PPARGC1A: variants seen among roughly 807,000 people sequenced by gnomAD.
PPARGC1A encodes the protein PPARG coactivator 1 alpha.
PPARGC1A carries 25 observed loss-of-function variants against 88.7 expected under a neutral mutation model. The ratio of observed to expected loss-of-function variants is 0.28; its 90% CI spans 0.21 to 0.39. The LOEUF (loss-of-function observed/expected upper bound fraction) is 0.39. PPARGC1A is among the 10% of genes least tolerant of loss of function. PPARGC1A has a pLI of 1.00. For missense variants in PPARGC1A, 880 were observed against 968.7 expected (o/e 0.91, Z 1.22); for synonymous variants, 363 against 355.6 (o/e 1.02, Z -0.24).
chr4:24,465,222 T>C, the PPARGC1A span, among the ~76,000 whole-genome samples: 1 of 152,020 alleles, frequency 6.6e-6, no homozygotes. Context: ...ACAAAAAGGG[T>C]GGGGGTGGAT....
chr4:23,933,581 T>C, the PPARGC1A span, among the ~76,000 whole-genome samples: 1 of 152,126 alleles, frequency 6.6e-6, no homozygotes, highest in Non-Finnish European at 1.5e-5. Flanking sequence ...GATTTAATAT[T>C]AAGGAAAATA....
chr4:24,414,325 T>C, the PPARGC1A span, among the ~76,000 whole-genome samples: 4 of 152,210 alleles, frequency 2.6e-5, no homozygotes, highest in African/African-American at 9.6e-5. Flanking sequence ...AAAGGAATAG[T>C]GGGTGCCTAA....
the PPARGC1A span, among the ~76,000 whole-genome samples, chr4:24,022,841 T>C: frequency 7.9e-5 from 12 of 152,190 alleles, no homozygotes; most frequent in Admixed American, 5.9e-4. Context: ...CTTTTAAAGA[T>C]TGAAATTTCA....
the PPARGC1A span, among the ~76,000 whole-genome samples, chr4:24,428,233 G>C: frequency 6.6e-6 from 1 of 152,072 alleles, no homozygotes; most frequent in South Asian, 2.1e-4. Context: ...ATATTCGCAC[G>C]CATCCCAGCG....
chr4:23,825,139 C>T (rs534630550), intron 5 of PPARGC1A: 77 of 152,130 alleles, frequency 5.1e-4, no homozygotes, highest in African/African-American at 1.8e-3. Flanking sequence ...AGGCTAACTA[C>T]TGCCTTTTGT....
the PPARGC1A span, among the ~76,000 whole-genome samples, chr4:23,925,476 A>G: frequency 6.6e-6 from 1 of 152,270 alleles, no homozygotes; most frequent in Admixed American, 6.5e-5. Context: ...AAAGCAAACT[A>G]TTAAATGAAT....
the PPARGC1A span, among the ~76,000 whole-genome samples, chr4:24,458,916 C>A: frequency 2.0e-3 from 301 of 152,082 alleles, 3 homozygotes; most frequent in East Asian, 0.036. Context: ...AATGCATACA[C>A]CTAGAAAGAA....
At chr4:24,071,907 C>T in the PPARGC1A span, among the ~76,000 whole-genome samples, 1 of 152,036 alleles carries the variant, frequency 6.6e-6, no homozygotes, top group Non-Finnish European at 1.5e-5. Context: ...AATTACTTGC[C>T]ATCAATTCAA....
chr4:24,188,285 A>G, the PPARGC1A span, among the ~76,000 whole-genome samples: 8 of 152,078 alleles, frequency 5.3e-5, no homozygotes, highest in Non-Finnish European at 1.2e-4. Context: ...CTACCTTAGA[A>G]TCCTAATAAC....
At chr4:24,129,162 T>A in the PPARGC1A span, among the ~76,000 whole-genome samples, 1 of 152,220 alleles carries the variant, frequency 6.6e-6, no homozygotes, top group Non-Finnish European at 1.5e-5. Flanking sequence ...AGACTGCACA[T>A]AATAAACAGT....
chr4:23,997,166 A>G, the PPARGC1A span, among the ~76,000 whole-genome samples: 4 of 152,152 alleles, frequency 2.6e-5, no homozygotes, highest in African/African-American at 9.7e-5. Flanking sequence ...AAGCTGAACA[A>G]TCACCAATGT....
the PPARGC1A span, among the ~76,000 whole-genome samples, chr4:24,067,569 T>C: frequency 6.6e-6 from 1 of 152,270 alleles, no homozygotes; most frequent in Non-Finnish European, 1.5e-5. Flanking sequence ...AAGGTCAAAA[T>C]GCAAGCATCG....
the PPARGC1A span, among the ~76,000 whole-genome samples, chr4:23,997,669 G>A: frequency 6.6e-6 from 1 of 151,674 alleles, no homozygotes; most frequent in South Asian, 2.1e-4. Flanking sequence ...ACCAGGCTAA[G>A]TTTTCGTATT....
At chr4:24,219,522 A>G in the PPARGC1A span, among the ~76,000 whole-genome samples, 3 of 152,308 alleles carry the variant, frequency 2.0e-5, no homozygotes, top group South Asian at 6.2e-4. Flanking sequence ...CCATCAAGAT[A>G]AAGCCTCAGG....
chr4:24,323,465 A>G, the PPARGC1A span, among the ~76,000 whole-genome samples: 4 of 152,134 alleles, frequency 2.6e-5, no homozygotes, highest in East Asian at 3.9e-4. Context: ...GATTAACCCC[A>G]TGAGTTTCCT....
chr4:24,426,361 A>G, the PPARGC1A span, among the ~76,000 whole-genome samples: 1 of 152,226 alleles, frequency 6.6e-6, no homozygotes, highest in Non-Finnish European at 1.5e-5. Flanking sequence ...TGCCATTTAA[A>G]AATAAAAGGA....
At chr4:24,376,968 C>A in the PPARGC1A span, among the ~76,000 whole-genome samples, 5 of 152,102 alleles carry the variant, frequency 3.3e-5, no homozygotes, top group Non-Finnish European at 7.4e-5. Flanking sequence ...AATGGCCTAA[C>A]CTTTTAGCAA....
chr4:24,352,314 C>T, the PPARGC1A span, among the ~76,000 whole-genome samples: 391 of 152,274 alleles, frequency 2.6e-3, 5 homozygotes, highest in African/African-American at 8.9e-3. Context: ...AAGGCGCCCT[C>T]CCCTGTCAGA....
the PPARGC1A span, among the ~76,000 whole-genome samples, chr4:24,168,124 A>G: frequency 6.6e-6 from 1 of 152,266 alleles, no homozygotes; most frequent in African/African-American, 2.4e-5. Flanking sequence ...CAAAAACTAC[A>G]GTATAGTATA....
Sources: allele counts gnomAD v4.1 joint callset (sites outside exome capture counted in the v4.1 genomes callset), GRCh38; gene constraint gnomAD v4.1.1; transcripts MANE v1.5; gene names NCBI Gene and HGNC (gene_info 2026-07-23, HGNC 2026-07-21).